Variants in SPATC1 observed in about 807,000 individuals in gnomAD.
The protein encoded by SPATC1 is speriolin.
Under a neutral mutation model 36.5 loss-of-function variants are expected in SPATC1, and 35 were observed. The observed-to-expected ratio is 0.96, with a 90% CI of 0.73 to 1.27. The LOEUF is 1.27. SPATC1 is among the 50% of genes most tolerant of loss of function. The pLI is 0.00. For synonymous variants in SPATC1, 361 were observed against 353.6 expected, an observed-to-expected ratio of 1.02 and a Z score of -0.24; for missense variants, 779 against 796.0, an observed-to-expected ratio of 0.98 and a Z score of 0.26.
chr8:144,043,290 C>A (rs1835165861), intron 4 of SPATC1, among the ~76,000 whole-genome samples: 1 of 148,004 alleles, frequency 6.8e-6, no homozygotes, highest in Non-Finnish European at 1.5e-5. Context: ...CCACGGTGCC[C>A]AGCCTTACAT....
intron 1 of SPATC1, among the ~76,000 whole-genome samples, chr8:144,031,723 C>CTTTTTTTTTT (rs1240016643): frequency 2.3e-5 from 3 of 129,038 alleles, no homozygotes; most frequent in African/African-American, 5.8e-5. Flanking sequence ...TTCTTTCTTT[C>CTTTTTTTTTT]TTTTTTTTTT....
chr8:144,040,509 A>G (rs184383649), intron 2 of SPATC1, 46 bp downstream of exon 2: 6 of 1,559,842 alleles, frequency 3.8e-6, no homozygotes, highest in Middle Eastern at 3.5e-4. Context: ...GGGGGGGCAG[A>G]GCCCTCCCAC....
At position 144,040,819 on chromosome 8, in the gene SPATC1, G is replaced by T. The variant is rs782325616; in HGVS notation, c.1018G>T (p.Ala340Ser). The change falls in exon 3 of 5, where the codon GCC (alanine) becomes TCC (serine). Residue 340 changes from alanine to serine, a missense_variant. By Grantham distance (99) the Ala-to-Ser change is moderately conservative. Transcript: ENST00000377470. ...GGTCACCGTCCTTGCCTCTGCCCCC[G>T]CCCTTGCCCCCCAGGTTGCCACCAG... The part of the protein sequence containing the change: ...PTVTVLASAP[A>S]LAPQVATSYT... 1.6e-6 allele frequency: 2 copies of T among 1,237,996 alleles called. No individual in the cohort carries two copies. Among genetic ancestry groups the T allele is most frequent in the Admixed American group, 3.0e-5 (1 of 33,340 alleles). 76.7% of individuals were successfully genotyped at this position (1,237,996 alleles called of 1,614,324 possible).
At chr8:144,014,543 T>G (rs1434036579) in intron 1 of SPATC1, among the ~76,000 whole-genome samples, 1 of 152,126 alleles carries the variant, frequency 6.6e-6, no homozygotes, top group East Asian at 1.9e-4. Flanking sequence ...TCTGGTTTCG[T>G]ACTCCCAGGC....
At chr8:144,042,254 G>A (rs1243309027) in intron 4 of SPATC1, among the ~76,000 whole-genome samples, 4 of 136,612 alleles carry the variant, frequency 2.9e-5, no homozygotes, top group African/African-American at 5.8e-5. Context: ...AAGTAGCTGG[G>A]ACCACAGGTT....
chr8:144,025,049 C>A (rs940177807), intron 1 of SPATC1, among the ~76,000 whole-genome samples: 1 of 148,176 alleles, frequency 6.7e-6, no homozygotes, highest in Non-Finnish European at 1.5e-5. Context: ...CCCTCTCCCC[C>A]TAGGACCATC....
chr8:144,040,283 A>C lies in SPATC1; in HGVS notation c.586A>C (p.Ser196Arg). ...GATGGGCACGGTGGCTGTCTCTCTG[A>C]GCAGCCCCCTCCTCAGCTCCACTGC... ...PVMGTVAVSL[S>R]SPLLSSTATP... Residue 196 changes from serine to arginine, a missense_variant, in exon 2 of 5, where the codon AGC becomes CGC. Transcript: ENST00000377470. 1 of 1,612,752 alleles carries C rather than the reference A, an allele frequency of 6.2e-7. No homozygotes were observed. The highest frequency in any genetic ancestry group is 8.5e-7 in the Non-Finnish European group (1 of 1,179,876).
intron 1 of SPATC1, among the ~76,000 whole-genome samples, chr8:144,034,137 C>T (rs1392048655): frequency 6.6e-6 from 1 of 152,264 alleles, no homozygotes; most frequent in Non-Finnish European, 1.5e-5. Flanking sequence ...CACAAAGGCC[C>T]AGCATTGGCC....
intron 1 of SPATC1, among the ~76,000 whole-genome samples, chr8:144,036,373 G>A (rs1225618555): frequency 1.3e-5 from 2 of 152,134 alleles, no homozygotes; most frequent in East Asian, 3.8e-4. Flanking sequence ...CACTCAGACT[G>A]GAGTGCAGTA....
Position 144,045,077 on chromosome 8 carries a change from A to G in SPATC1, c.1447-1550A>G, listed in dbSNP as rs999589620. 1.3e-5 allele frequency among the ~76,000 whole-genome samples: 2 copies of G among 151,944 alleles called. No individual in the cohort carries two copies. Among genetic ancestry groups the G allele is most frequent in the African/African-American group, 4.8e-5 (2 of 41,356 alleles). The stretch of plus-strand genomic sequence containing the variant: ...GGCCGCTGCCTGTAACCCCCAGTAC[A>G]CTCCTGCAGGAGGCACTGTGATTTC... On this transcript the variant is annotated intron_variant, in intron 4 of 4. Coordinates refer to ENST00000377470, the MANE Select transcript of SPATC1 (RefSeq NM_198572.3). The surrounding 1 kb of genome is among the most constrained non-coding windows in gnomAD (Gnocchi z 5.2).
intron 1 of SPATC1, among the ~76,000 whole-genome samples, chr8:144,017,285 T>C (rs1834413807): frequency 6.6e-6 from 1 of 152,196 alleles, no homozygotes; most frequent in South Asian, 2.1e-4. Context: ...CTCTTGGCCA[T>C]TCCTTGTGAC....
chr8:144,016,932 C>T lies in SPATC1; in HGVS notation c.211+4206C>T, dbSNP rs1834405874. Reference sequence around the variant, plus strand: ...GGGAATACAGGCATGAGCCACCACACCCGCCTGACACTGGTGGTTTGTAAC... The same window carrying T: ...GGGAATACAGGCATGAGCCACCACATCCGCCTGACACTGGTGGTTTGTAAC... On this transcript the variant is annotated intron_variant, in intron 1 of 4. Coordinates refer to ENST00000377470, the MANE Select transcript of SPATC1 (RefSeq NM_198572.3). This position sits in a 1 kb window ranked among gnomAD's most constrained non-coding sequence, Gnocchi z 4.5. Among the ~76,000 whole-genome samples, 1 of 152,190 alleles carries T rather than the reference C, an allele frequency of 6.6e-6. No homozygotes were observed. Among genetic ancestry groups the T allele is most frequent in the African/African-American group, 2.4e-5 (1 of 41,442 alleles).
At chr8:144,024,223 A>G (rs1193767428) in intron 1 of SPATC1, among the ~76,000 whole-genome samples, 1 of 144,942 alleles carries the variant, frequency 6.9e-6, no homozygotes, top group East Asian at 2.2e-4. Context: ...CTCTACCCTC[A>G]GGATGCTCTC....
At position 144,031,439 on chromosome 8, in the gene SPATC1, G is replaced by A. The variant is rs1044642888; in HGVS notation, c.212-8470G>A. ...GTCACTTCTCTCTTGCTGCTATCAAGATTTTTTTTTCTTTTTTTTTTTTTT... is the reference window on the plus strand; with the variant it reads ...GTCACTTCTCTCTTGCTGCTATCAAAATTTTTTTTTCTTTTTTTTTTTTTT... On this transcript the variant is annotated intron_variant, in intron 1 of 4. Coordinates refer to ENST00000377470, the MANE Select transcript of SPATC1 (RefSeq NM_198572.3). 3.0e-3 allele frequency among the ~76,000 whole-genome samples: 393 copies of A among 129,540 alleles called. 1 individual carries two copies. The highest frequency in any genetic ancestry group is 7.7e-3 in the Middle Eastern group (2 of 260). 85.0% of individuals were successfully genotyped at this position (129,540 alleles called of 152,430 possible). A position where few individuals can be genotyped will look rare whatever the true frequency, so the allele number is the denominator to read the frequency against.
chr8:144,040,139 C>A lies in SPATC1; in HGVS notation c.442C>A (p.Pro148Thr), dbSNP rs1554755483. 3.7e-6 allele frequency: 6 copies of A among 1,609,426 alleles called. No homozygotes were observed. Among genetic ancestry groups the A allele is most frequent in the Non-Finnish European group, 4.2e-6 (5 of 1,179,024 alleles). The change falls in exon 2 of 5, where the codon CCC (proline) becomes ACC (threonine). Residue 148 changes from proline (P) to threonine (T), a missense_variant. Transcript: ENST00000377470. ...CTTCCTGACCAGTCCCATTGCGGGACCCCTAACAGGCACACTGGCCAGTTC... is the reference window on the plus strand; with the variant it reads ...CTTCCTGACCAGTCCCATTGCGGGAACCCTAACAGGCACACTGGCCAGTTC... ...TSFLTSPIAG[P>T]LTGTLASSLG...
chr8:144,022,614 T>C (rs1834559276), intron 1 of SPATC1, among the ~76,000 whole-genome samples: 2 of 141,152 alleles, frequency 1.4e-5, no homozygotes, highest in African/African-American at 2.7e-5. Flanking sequence ...CTGAGGAGCC[T>C]TTCCCCTCAA....
rs1554753224 is a variant in SPATC1, at chr8:144,016,183, G to A, written c.211+3457G>A. Among the ~76,000 whole-genome samples, 2 of 152,090 alleles carry A rather than the reference G, an allele frequency of 1.3e-5. No individual in the cohort carries two copies. Among genetic ancestry groups the A allele is most frequent in the African/African-American group, 4.8e-5 (2 of 41,406 alleles). On this transcript the variant is annotated intron_variant, in intron 1 of 4. Transcript: ENST00000377470. This position sits in a 1 kb window ranked among gnomAD's most constrained non-coding sequence, Gnocchi z 4.5. Reference sequence around the variant, plus strand: ...AGGCAGGAGAATCGCTTGAACTTGGGAGGCAGAGGTTGCAGTGAGCCTAGA... The same window carrying A: ...AGGCAGGAGAATCGCTTGAACTTGGAAGGCAGAGGTTGCAGTGAGCCTAGA...
intron 4 of SPATC1, among the ~76,000 whole-genome samples, chr8:144,044,693 T>C (rs1259654194): frequency 6.6e-6 from 1 of 151,576 alleles, no homozygotes; most frequent in Non-Finnish European, 1.5e-5. Context: ...ACGCCTGTCA[T>C]CCCAGCACTG....
rs781820106 is a variant in SPATC1 at position 144,040,374 on chromosome 8, C to G, written c.677C>G (p.Ala226Gly). Residue 226 changes from alanine (A) to glycine (G), a missense_variant, in exon 2 of 5, where the codon GCC becomes GGC. Transcript: ENST00000377470. ...ATGAGCAACCTGGTCCTGCCAGAGG[C>G]CCCAAGGCTGCGGCTGGCTGAGCCA... is the stretch of plus-strand genomic sequence containing the variant. The part of the protein sequence containing the change: ...NPMSNLVLPE[A>G]PRLRLAEPLR... 4.3e-6 allele frequency: 7 copies of G among 1,612,552 alleles called. No homozygotes were observed. The highest frequency in any genetic ancestry group is 5.9e-6 in the Non-Finnish European group (7 of 1,179,876).
Sources: gnomAD v4.1 joint callset for allele counts (sites outside exome capture counted in the v4.1 genomes callset) on GRCh38, gnomAD v4.1.1 for gene constraint, Gnocchi (gnomAD v3.1) non-coding constraint, MANE v1.5 for transcripts, NCBI Gene and HGNC (gene_info 2026-07-23, HGNC 2026-07-21) for gene names.